The following UQCC1 variants were observed in gnomAD, a reference collection of about 807,000 sequenced individuals.
UQCC1 encodes the protein bFGF-repressed Zic-binding protein.
Under a neutral mutation model 48.0 loss-of-function variants are expected in UQCC1, and 38 were observed. The observed-to-expected ratio is 0.79, with a 90% CI of 0.61 to 1.04. The LOEUF is 1.04. UQCC1 is among the 50% of genes least tolerant of loss of function. The pLI is 0.00. For missense variants in UQCC1, 368 were observed against 381.8 expected, an observed-to-expected ratio of 0.96 and a Z score of 0.30; for synonymous variants, 111 against 129.2, an observed-to-expected ratio of 0.86 and a Z score of 0.95.
chr20:35,346,916 A>G, intron 7 of UQCC1: 1 of 1,388,010 alleles, frequency 7.2e-7, no homozygotes, highest in Non-Finnish European at 9.6e-7. Flanking sequence ...TTTGGGCTTT[A>G]CAATCCCATC....
intron 7 of UQCC1, among the ~76,000 whole-genome samples, chr20:35,337,057 A>G (rs971950372): frequency 2.0e-5 from 3 of 152,222 alleles, no homozygotes; most frequent in African/African-American, 7.2e-5. Flanking sequence ...TTCCAGAGCC[A>G]ATTTCCCAAT....
In UQCC1 at chr20:35,304,028, C is replaced by A. The variant is rs766303794; in HGVS notation, c.807G>T (p.Leu269=). ...LDSMNGEDLL[L]TGEVSWRPLV... is the part of the protein sequence containing the mutation. ...GAGGGCGCCAGCTCACCTCCCCTGT[C>A]AGAAGCAGATCCTCCCCGTTCATGG... The change falls in exon 10 of 10, where the codon CTG becomes CTT. Residue 269 remains leucine, a synonymous_variant. Transcript: ENST00000374385. The A allele has an allele frequency of 1.2e-6, 2 of 1,614,168 alleles. No homozygotes were observed. The highest frequency in any genetic ancestry group is 3.3e-5 in the Admixed American group (2 of 60,028).
intron 7 of UQCC1, chr20:35,346,859 C>T: frequency 2.5e-6 from 2 of 794,770 alleles, no homozygotes; most frequent in Admixed American, 2.9e-5. Flanking sequence ...ACTGGATTAT[C>T]ATTTGATTCC....
At chr20:35,347,800 T>C (rs573917695) in intron 6 of UQCC1, among the ~76,000 whole-genome samples, 7 of 152,330 alleles carry the variant, frequency 4.6e-5, no homozygotes, top group African/African-American at 1.7e-4. Flanking sequence ...AAAGATTTAG[T>C]TGAAGAAAAA....
At chr20:35,338,892 A>AAAAAT (rs1555805500) in intron 7 of UQCC1, among the ~76,000 whole-genome samples, 5 of 30,560 alleles carry the variant, frequency 1.6e-4, no homozygotes, top group Admixed American at 4.4e-4. Context: ...AAAAAAAAAA[A>AAAAAT]ATATATATAT....
chr20:35,392,053 C>T (rs1274417343), intron 2 of UQCC1, among the ~76,000 whole-genome samples: 2 of 152,282 alleles, frequency 1.3e-5, no homozygotes, highest in African/African-American at 2.4e-5. Flanking sequence ...TACCACTCAT[C>T]GAAGGAAGGA....
chr20:35,410,771 A>AC (rs1377388851), intron 1 of UQCC1, among the ~76,000 whole-genome samples: 4 of 145,218 alleles, frequency 2.8e-5, no homozygotes, highest in African/African-American at 1.0e-4. Flanking sequence ...AAAAAAAAAA[A>AC]AAAAAACCAC....
Position 35,411,791 on chromosome 20 carries a change from C to A in UQCC1, c.24+149G>T, listed in dbSNP as rs1349297113. On this transcript the variant is annotated intron_variant, in intron 1 of 9. Coordinates refer to ENST00000374385, the MANE Select transcript of UQCC1 (RefSeq NM_018244.5). ...CGGGGTAGGAAGAGGTCGGAAGCTGCCTCAGTTTCCCCACGGAAAAGCGGC... is the reference window on the plus strand; with the variant it reads ...CGGGGTAGGAAGAGGTCGGAAGCTGACTCAGTTTCCCCACGGAAAAGCGGC... 4 of 1,044,214 alleles carry A rather than the reference C, an allele frequency of 3.8e-6. No homozygotes were observed. The African/African-American group carries it at 4.7e-5, about 12-fold the overall frequency. The allele number at this position is 1,044,214 out of a possible 1,614,324, so 64.7% of individuals were successfully genotyped here. A position where few individuals can be genotyped will look rare whatever the true frequency, so the allele number is the denominator to read the frequency against.
chr20:35,363,395 T>C (rs2061630255), intron 6 of UQCC1, among the ~76,000 whole-genome samples: 1 of 152,218 alleles, frequency 6.6e-6, no homozygotes, highest in Admixed American at 6.5e-5. Context: ...AATACTAATC[T>C]TGTTCAGCAA....
intron 1 of UQCC1, among the ~76,000 whole-genome samples, chr20:35,409,812 C>CT (rs34493303): frequency 2.0e-4 from 30 of 150,074 alleles, no homozygotes; most frequent in African/African-American, 5.4e-4. Flanking sequence ...AGGAATACTT[C>CT]TTTTTTTTTT....
chr20:35,382,712 G>A (rs370717133), intron 3 of UQCC1, among the ~76,000 whole-genome samples: 3 of 151,406 alleles, frequency 2.0e-5, no homozygotes, highest in African/African-American at 7.3e-5. Context: ...GAGTTTCACC[G>A]TGTTAGCCAG....
intron 7 of UQCC1, among the ~76,000 whole-genome samples, chr20:35,316,033 AG>A (rs1234850226): frequency 1.3e-5 from 2 of 152,182 alleles, no homozygotes; most frequent in African/African-American, 4.8e-5. Flanking sequence ...TGCCTTCAAT[AG>A]GGTACAACTC....
At chr20:35,366,379 T>C (rs899615032) in intron 6 of UQCC1, among the ~76,000 whole-genome samples, 178 bp downstream of exon 6, 1 of 152,250 alleles carries the variant, frequency 6.6e-6, no homozygotes, top group South Asian at 2.1e-4. Flanking sequence ...TCTGGGCTTA[T>C]GCTTTGACCT....
intron 2 of UQCC1, among the ~76,000 whole-genome samples, chr20:35,385,556 C>T (rs1429903333): frequency 3.3e-5 from 5 of 152,130 alleles, no homozygotes; most frequent in Non-Finnish European, 5.9e-5. Flanking sequence ...GGCTGGAGTG[C>T]AGTGGTGCAA....
intron 1 of UQCC1, among the ~76,000 whole-genome samples, chr20:35,399,282 G>A (rs1281302930): frequency 6.6e-6 from 1 of 152,194 alleles, no homozygotes; most frequent in East Asian, 1.9e-4. Flanking sequence ...TTAAAATATT[G>A]TTTGGAATCT....
At chr20:35,397,142 T>C (rs2062089419) in intron 1 of UQCC1, among the ~76,000 whole-genome samples, 1 of 144,826 alleles carries the variant, frequency 6.9e-6, no homozygotes, top group Non-Finnish European at 1.5e-5. Context: ...AGGTTGCAAG[T>C]GAGCAGAGAT....
At chr20:35,388,306 T>TC (rs1167605951) in intron 2 of UQCC1, among the ~76,000 whole-genome samples, 6 of 68,320 alleles carry the variant, frequency 8.8e-5, no homozygotes, top group African/African-American at 1.3e-4. Flanking sequence ...TTTCTTTTTT[T>TC]TTGAGACAGG....
At chr20:35,355,125 G>A (rs969667627) in intron 6 of UQCC1, among the ~76,000 whole-genome samples, 1 of 152,060 alleles carries the variant, frequency 6.6e-6, no homozygotes, top group African/African-American at 2.4e-5. Flanking sequence ...CCTAGACAGG[G>A]ACAGAACATG....
intron 7 of UQCC1, among the ~76,000 whole-genome samples, chr20:35,334,526 TC>T (rs1282198537): frequency 6.6e-6 from 1 of 152,216 alleles, no homozygotes; most frequent in Non-Finnish European, 1.5e-5. Context: ...AAGATTTAAC[TC>T]AAATGTCATC....
Sources: gnomAD v4.1 joint callset for allele counts (sites outside exome capture counted in the v4.1 genomes callset) on GRCh38, gnomAD v4.1.1 for gene constraint, MANE v1.5 for transcripts, NCBI Gene and HGNC (gene_info 2026-07-23, HGNC 2026-07-21) for gene names.